Variants in PLEKHN1 observed in about 807,000 individuals in gnomAD.
PLEKHN1 encodes the protein pleckstrin homology domain-containing family N member 1.
In PLEKHN1, 68 loss-of-function variants were observed where a neutral mutation model predicts 72.8. That is an observed-to-expected ratio of 0.93 (90% CI 0.77 to 1.14). The LOEUF is 1.14. Among genes scored for constraint, PLEKHN1 ranks in the 50% most tolerant of loss-of-function variants. PLEKHN1 has a pLI of 0.00. For synonymous variants in PLEKHN1, 454 were observed against 371.6 expected (o/e 1.22, Z -2.55); for missense variants, 1,015 against 840.5 (o/e 1.21, Z -2.57).
In PLEKHN1 at chr1:974,873, G is replaced by A. The variant is rs1213327576; in HGVS notation, c.*298G>A. 4 of 436,754 alleles carry A rather than the reference G, an allele frequency of 9.2e-6. No individual in the cohort carries two copies. In the East Asian group the frequency reaches 1.6e-4, roughly 18 times the overall value. The allele number at this position is 436,754 out of a possible 1,614,324, so 27.1% of individuals were successfully genotyped here. A position where few individuals can be genotyped will look rare whatever the true frequency, so the allele number is the denominator to read the frequency against. ...CTCAGCTCAGCCCGCCAGGAGTCAG[G>A]GAGGAGACTCGCTGGGAGTGGGAGG... is the stretch of plus-strand genomic sequence containing the variant. On this transcript the variant is annotated 3_prime_UTR_variant, in exon 16 of 16. Coordinates refer to ENST00000379410, the MANE Select transcript of PLEKHN1 (RefSeq NM_032129.3).
Position 970,854 on chromosome 1 carries a change from T to C in PLEKHN1, c.485-25T>C. ...GCTGCGGAGCACGTGTGTGTATGTGTGTGCCCTCTCTGCCCTGCCCGCAGG... is the reference window on the plus strand; with the variant it reads ...GCTGCGGAGCACGTGTGTGTATGTGCGTGCCCTCTCTGCCCTGCCCGCAGG... On this transcript the variant is annotated intron_variant, in intron 5 of 15. Transcript: ENST00000379410. This position sits in a 1 kb window ranked among gnomAD's most constrained non-coding sequence, Gnocchi z 4.2. 5 of 1,612,256 alleles carry C rather than the reference T, an allele frequency of 3.1e-6. No homozygotes were observed. The highest frequency in any genetic ancestry group is 4.2e-6 in the Non-Finnish European group (5 of 1,179,942).
Position 970,439 on chromosome 1 carries a change from G to C in PLEKHN1, c.330+16G>C. 6.2e-7 allele frequency: 1 copy of C among 1,613,198 alleles called. No homozygotes were observed. Among genetic ancestry groups the C allele is most frequent in the East Asian group, 2.2e-5 (1 of 44,884 alleles). On this transcript the variant is annotated intron_variant, in intron 3 of 15. Transcript: ENST00000379410. The surrounding 1 kb of genome is among the most constrained non-coding windows in gnomAD (Gnocchi z 4.2). ...GCACAGCCAGGTGGGGGCCGGGCTG[G>C]GTGGAGCACGCTAAGGGTGCAGCAT...
In PLEKHN1 at chr1:971,381, G is replaced by C; in HGVS notation, c.766G>C (p.Glu256Gln). 1 of 1,588,672 alleles carries C rather than the reference G, an allele frequency of 6.3e-7. No individual in the cohort carries two copies. Among genetic ancestry groups the C allele is most frequent in the Non-Finnish European group, 8.6e-7 (1 of 1,168,822 alleles). ...AACGTCCTTGGCCATTTTCTCCGAG[G>C]AGCTGGACGGGCTTTGCTTCAAGGT... ...YPTSLAIFSEELDGLCFKGEL... is the reference protein window; with the variant it reads ...YPTSLAIFSEQLDGLCFKGEL... Residue 256 changes from glutamate (E) to glutamine (Q), a missense_variant, in exon 8 of 16, where the codon GAG becomes CAG. By Grantham distance (29) the Glu-to-Gln change is conservative. Coordinates refer to ENST00000379410, the MANE Select transcript of PLEKHN1 (RefSeq NM_032129.3).
At chr1:967,274 G>A (rs575515556) in intron 2 of PLEKHN1, among the ~76,000 whole-genome samples, 7 of 152,258 alleles carry the variant, frequency 4.6e-5, no homozygotes, top group Non-Finnish European at 1.0e-4. Context: ...TGCACGCGCC[G>A]GCCTCCTCCC....
Position 974,570 on chromosome 1 carries a change from A to G in PLEKHN1, c.1831A>G (p.Ile611Val), listed in dbSNP as rs778216154. Residue 611 changes from isoleucine (I) to valine (V), a missense_variant, in exon 16 of 16, where the codon ATC (isoleucine) becomes GTC (valine). By Grantham distance (29) the Ile-to-Val change is conservative. Transcript: ENST00000379410. The part of the protein sequence containing the change: ...PEASGGLVQW[I>V] ...GGCCAGTGGGGGGCTTGTGCAGTGG[A>G]TCTGATGGCCGCGGTGAGGTGGGTT... is the stretch of plus-strand genomic sequence containing the variant. 6.2e-7 allele frequency: 1 copy of G among 1,611,008 alleles called. No individual in the cohort carries two copies. The highest frequency in any genetic ancestry group is 8.5e-7 in the Non-Finnish European group (1 of 1,179,202).
rs775355462 is a variant in PLEKHN1 at position 970,391 on chromosome 1, G to A, written c.298G>A (p.Ala100Thr). 5.0e-6 allele frequency: 8 copies of A among 1,613,352 alleles called. No homozygotes were observed. Among genetic ancestry groups the A allele is most frequent in the South Asian group, 2.2e-5 (2 of 91,080 alleles). Residue 100 changes from alanine (A) to threonine (T), a missense_variant, in exon 3 of 16, where the codon GCC becomes ACC. Coordinates refer to ENST00000379410, the MANE Select transcript of PLEKHN1 (RefSeq NM_032129.3). The surrounding 1 kb of genome is among the most constrained non-coding windows in gnomAD (Gnocchi z 4.2). ...VRNLGKVVHYAKVQLRFQHSQ... is the reference protein window; with the variant it reads ...VRNLGKVVHYTKVQLRFQHSQ... ...GAACCTGGGAAAAGTTGTGCATTAC[G>A]CCAAGGTCCAGCTGCGGTTCCAGCA...
intron 2 of PLEKHN1, among the ~76,000 whole-genome samples, chr1:968,404 C>A (rs998445989): frequency 6.6e-6 from 1 of 152,236 alleles, no homozygotes; most frequent in Non-Finnish European, 1.5e-5. Flanking sequence ...TGACTTCCAA[C>A]CTGGTGATCA....
intron 2 of PLEKHN1, among the ~76,000 whole-genome samples, chr1:968,868 C>T (rs539492740): frequency 6.6e-6 from 1 of 152,272 alleles, no homozygotes; most frequent in East Asian, 1.9e-4. Context: ...GACAGTGAGG[C>T]CGGGGCAGCC....
At position 973,009 on chromosome 1, in the gene PLEKHN1, C is replaced by G. The variant is rs75748725; in HGVS notation, c.1151C>G (p.Pro384Arg). Residue 384 changes from proline to arginine, a missense_variant and splice_region_variant, in exon 11 of 16, where the codon CCG becomes CGG. Transcript: ENST00000379410. ...GTGGGCTGCTCCTCCCAGCACACAC[C>G]GGTGAGCGCTTACGGGGTGGCAGAC... ...STVGCSSQHT[P>R]DQANSDRASI... is the part of the protein sequence containing the mutation. 3 of 1,597,476 alleles carry G rather than the reference C, an allele frequency of 1.9e-6. No homozygotes were observed. Among genetic ancestry groups the G allele is most frequent in the South Asian group, 2.2e-5 (2 of 88,936 alleles).
Position 966,864 on chromosome 1 carries a change from C to T in PLEKHN1, c.183+61C>T, listed in dbSNP as rs996163185. 1.9e-5 allele frequency: 28 copies of T among 1,482,870 alleles called. No homozygotes were observed. The African/African-American group carries it at 3.1e-4, about 16-fold the overall frequency. 91.9% of individuals were successfully genotyped at this position (1,482,870 alleles called of 1,614,324 possible). The stretch of plus-strand genomic sequence containing the variant: ...GCGTGGCTCTGCCCGCGCGTGTGTG[C>T]CGTGTGTCCGTGCAGCTCAGGGTCT... On this transcript the variant is annotated intron_variant, in intron 2 of 15. Coordinates refer to ENST00000379410, the MANE Select transcript of PLEKHN1 (RefSeq NM_032129.3).
chr1:970,967 C>A lies in PLEKHN1; in HGVS notation c.573C>A (p.Leu191=), dbSNP rs761556786. The A allele has an allele frequency of 3.1e-5, 50 of 1,606,518 alleles. No individual in the cohort carries two copies. The highest frequency in any genetic ancestry group is 3.9e-5 in the Non-Finnish European group (46 of 1,177,204). ...ACCACCTGGAGAAGCAGACGGCCCT[C>A]CTCGGGGGGCCGCGGCGCTGCCACT... ...WLYHLEKQTA[L]LGGPRRCHSA... Residue 191 remains leucine (L), a synonymous_variant, in exon 6 of 16, where the codon CTC becomes CTA. Coordinates refer to ENST00000379410, the MANE Select transcript of PLEKHN1 (RefSeq NM_032129.3). The surrounding 1 kb of genome is among the most constrained non-coding windows in gnomAD (Gnocchi z 4.2).
At position 972,895 on chromosome 1, in the gene PLEKHN1, G is replaced by A. The variant is rs145574509; in HGVS notation, c.1037G>A (p.Gly346Asp). 3.4e-3 allele frequency: 5,250 copies of A among 1,558,862 alleles called. 263 individuals are homozygous for A. In the Admixed American group the frequency reaches 0.091, roughly 27 times the overall value. The change falls in exon 11 of 16, where the codon GGC (glycine) becomes GAC (aspartate). Residue 346 changes from glycine (G) to aspartate (D), a missense_variant. By Grantham distance (94) the Gly-to-Asp change is moderately conservative (BLOSUM62 -1). Transcript: ENST00000379410. ...AGTGGCCGAGGCTCACTCTCCTCAG[G>A]CGGACAGACCAGCTGGGACTCGGGG... Reference protein sequence around the residue: ...MGSGRGSLSSGGQTSWDSGCL... With the variant: ...MGSGRGSLSSDGQTSWDSGCL...
At position 974,654 on chromosome 1, in the gene PLEKHN1, C is replaced by T. The variant is rs901759511; in HGVS notation, c.*79C>T. The T allele has an allele frequency of 6.7e-7, 1 of 1,497,426 alleles. No homozygotes were observed. Among genetic ancestry groups the T allele is most frequent in the Non-Finnish European group, 8.9e-7 (1 of 1,118,206 alleles). 92.8% of individuals were successfully genotyped at this position (1,497,426 alleles called of 1,614,324 possible). A position where few individuals can be genotyped will look rare whatever the true frequency, so the allele number is the denominator to read the frequency against. ...TGCCCCTCTAACCCACTTCAAATTA[C>T]AAGTCAGGGTCTGAACCCAGTGTGA... On this transcript the variant is annotated 3_prime_UTR_variant, in exon 16 of 16. Transcript: ENST00000379410.
chr1:970,374 G>C lies in PLEKHN1; in HGVS notation c.281G>C (p.Gly94Ala). 1 of 1,613,568 alleles carries C rather than the reference G, an allele frequency of 6.2e-7. No homozygotes were observed. Among genetic ancestry groups the C allele is most frequent in the South Asian group, 1.1e-5 (1 of 91,082 alleles). The change falls in exon 3 of 16, where the codon GGA (glycine) becomes GCA (alanine). Residue 94 changes from glycine (G) to alanine (A), a missense_variant. Physicochemically the swap from Gly to Ala is moderately conservative, Grantham distance 60. Coordinates refer to ENST00000379410, the MANE Select transcript of PLEKHN1 (RefSeq NM_032129.3). The surrounding 1 kb of genome is among the most constrained non-coding windows in gnomAD (Gnocchi z 4.2). ...GRRRVPVRNL[G>A]KVVHYAKVQL... Reference sequence around the variant, plus strand: ...CGGAGGGTGCCTGTGAGGAACCTGGGAAAAGTTGTGCATTACGCCAAGGTC... The same window carrying C: ...CGGAGGGTGCCTGTGAGGAACCTGGCAAAAGTTGTGCATTACGCCAAGGTC...
At chr1:966,928 G>A in intron 2 of PLEKHN1, 125 bp downstream of exon 2, 1 of 1,062,846 alleles carries the variant, frequency 9.4e-7, no homozygotes, top group Non-Finnish European at 1.3e-6. Context: ...CGGTAGGTGA[G>A]GAGCCGACGC....
chr1:974,475 GC>G lies in PLEKHN1; in HGVS notation c.1737del (p.Tyr580ThrfsTer54). 6.2e-7 allele frequency: 1 copy of G among 1,612,794 alleles called. No homozygotes were observed. On this transcript the variant is annotated frameshift_variant, in exon 16 of 16. Transcript: ENST00000379410. LOFTEE classifies it low-confidence loss of function (END_TRUNC). ...TCCCCCAGGAGGAGCCGGGACCCCGGCTACGACCACCTCTGGGACGAGACTT... is the reference window on the plus strand; with the variant it reads ...TCCCCCAGGAGGAGCCGGGACCCCGGTACGACCACCTCTGGGACGAGACTT... ...GRSPRRSRDP[G>X]YDHLWDETLS...
chr1:972,236 G>A, intron 9 of PLEKHN1, 52 bp from the exon 10 acceptor site: 2 of 1,600,096 alleles, frequency 1.2e-6, no homozygotes, highest in East Asian at 4.5e-5. Flanking sequence ...CTTTAGTGGG[G>A]GCGCTGAGGG....
chr1:973,926 TGCTCCTCCGGCCCCGCTG>T lies in PLEKHN1; in HGVS notation c.1531_1548del (p.Ser511_Gly516del). ...TGTGCCTGCCTCTGACCCTCGCTCC[TGCTCCTCCGGCCCCGCTG>T]GCCCCTACTTGCTCTCCAAGAAGGG... On this transcript the variant is annotated inframe_deletion, in exon 14 of 16. Transcript: ENST00000379410. 2 of 1,611,414 alleles carry T rather than the reference TGCTCCTCCGGCCCCGCTG, an allele frequency of 1.2e-6. No individual in the cohort carries two copies. Among genetic ancestry groups the T allele is most frequent in the Non-Finnish European group, 1.7e-6 (2 of 1,179,898 alleles).
Position 966,800 on chromosome 1 carries a change from C to T in PLEKHN1, c.180C>T (p.Gly60=), listed in dbSNP as rs1321869106. The T allele has an allele frequency of 6.4e-7, 1 of 1,559,958 alleles. No individual in the cohort carries two copies. Among genetic ancestry groups the T allele is most frequent in the East Asian group, 2.4e-5 (1 of 41,588 alleles). ...ACAAGCTCTTCCACTACATCCCGGGCACGGTGAGCGCGGCGTGCACGGTGG... is the reference window on the plus strand; with the variant it reads ...ACAAGCTCTTCCACTACATCCCGGGTACGGTGAGCGCGGCGTGCACGGTGG... ...AANKLFHYIP[G]TDILDLENQR... The change falls in exon 2 of 16, where the codon GGC becomes GGT. Residue 60 remains glycine, a synonymous_variant. Coordinates refer to ENST00000379410, the MANE Select transcript of PLEKHN1 (RefSeq NM_032129.3).
Sources: gnomAD v4.1 joint callset for allele counts (sites outside exome capture counted in the v4.1 genomes callset) on GRCh38, gnomAD v4.1.1 for gene constraint, Gnocchi (gnomAD v3.1) non-coding constraint, MANE v1.5 for transcripts, NCBI Gene and HGNC (gene_info 2026-07-23, HGNC 2026-07-21) for gene names.